The following PCSK5 variants were observed in gnomAD, a reference collection of about 807,000 sequenced individuals.
PCSK5 encodes the protein prohormone convertase 5.
In PCSK5, 129 loss-of-function variants were observed where a neutral mutation model predicts 233.2. The observed-to-expected ratio is 0.55, with a 90% CI of 0.48 to 0.64. The LOEUF is 0.64. PCSK5 is among the 30% of genes least tolerant of loss of function. The probability of loss-of-function intolerance (pLI) is 0.00; values close to 1 mark genes in which losing one functional copy is unlikely to be tolerated. For synonymous variants in PCSK5, 825 were observed against 879.2 expected (o/e 0.94, Z 1.09); for missense variants, 2,076 against 2,430.1 (o/e 0.85, Z 3.06).
intron 20 of PCSK5, among the ~76,000 whole-genome samples, chr9:76,202,156 TCTC>T (rs1450004619): frequency 1.3e-5 from 2 of 152,170 alleles, no homozygotes; most frequent in Non-Finnish European, 2.9e-5. Flanking sequence ...ATCTTGAACA[TCTC>T]CTTCGTCACT....
At chr9:75,956,832 T>C (rs938809169) in intron 2 of PCSK5, among the ~76,000 whole-genome samples, 1 of 152,114 alleles carries the variant, frequency 6.6e-6, no homozygotes, top group Non-Finnish European at 1.5e-5. Context: ...TATTCTCCTA[T>C]AGGAATTCCT....
intron 20 of PCSK5, among the ~76,000 whole-genome samples, chr9:76,215,995 G>C (rs527371488): frequency 4.5e-4 from 69 of 152,174 alleles, no homozygotes; most frequent in African/African-American, 1.7e-3. Flanking sequence ...CTCCAAGGGG[G>C]AGAGTTTGAA....
intron 7 of PCSK5, among the ~76,000 whole-genome samples, chr9:76,092,416 G>C (rs989593788): frequency 4.6e-5 from 7 of 152,106 alleles, no homozygotes; most frequent in African/African-American, 1.4e-4. Context: ...GTTTAGAGAC[G>C]GTCATTCTCT....
intron 1 of PCSK5, among the ~76,000 whole-genome samples, chr9:75,914,847 G>A (rs1013201132): frequency 9.2e-5 from 14 of 152,248 alleles, no homozygotes; most frequent in South Asian, 2.1e-4. Flanking sequence ...TGGCATATAA[G>A]CAAATAATTC....
At chr9:76,279,485 C>T (rs913817611) in intron 24 of PCSK5, among the ~76,000 whole-genome samples, 6 of 151,914 alleles carry the variant, frequency 3.9e-5, no homozygotes, top group Non-Finnish European at 8.8e-5. Context: ...GAGGAATCGC[C>T]ACACTGACTT....
At chr9:76,021,576 A>G (rs73650419) in intron 3 of PCSK5, among the ~76,000 whole-genome samples, 6,053 of 152,122 alleles carry the variant, frequency 0.04, 242 homozygotes, top group African/African-American at 0.11. Context: ...AAAGATACAA[A>G]TGTTCATAAA....
At chr9:76,343,331 ATTTGTGTGTGTG>A (rs1405642691) in intron 35 of PCSK5, among the ~76,000 whole-genome samples, 8 of 85,688 alleles carry the variant, frequency 9.3e-5, no homozygotes, top group South Asian at 4.9e-4. Flanking sequence ...CACCTGGGTA[ATTTGTGTGTGTG>A]TGTGTGTGTG....
intron 3 of PCSK5, among the ~76,000 whole-genome samples, chr9:76,012,609 G>A (rs4410971): frequency 0.026 from 3,902 of 152,236 alleles, 143 homozygotes; most frequent in East Asian, 0.17. Flanking sequence ...TCTAAGCAGC[G>A]CACCTTTATT....
chr9:76,327,885 G>C, intron 32 of PCSK5, 124 bp from the exon 33 acceptor site: 1 of 727,192 alleles, frequency 1.4e-6, no homozygotes, highest in Non-Finnish European at 2.5e-6. Context: ...CATTGGCCCA[G>C]AGCTCTGGAA....
chr9:75,968,296 G>A lies in PCSK5; in HGVS notation c.298-17836G>A, dbSNP rs185059971. 4.8e-3 allele frequency among the ~76,000 whole-genome samples: 733 copies of A among 152,320 alleles called. 4 individuals are homozygous for A. Among genetic ancestry groups the A allele is most frequent in the Non-Finnish European group, 8.1e-3 (548 of 68,030 alleles). On this transcript the variant is annotated intron_variant, in intron 2 of 37. Transcript: ENST00000674117. Reference sequence around the variant, plus strand: ...AGTCTCAGGAACTAGTTCAACCGACGCAAGGTCTTGACTGCCAGTCTAAGT... The same window carrying A: ...AGTCTCAGGAACTAGTTCAACCGACACAAGGTCTTGACTGCCAGTCTAAGT...
chr9:75,986,275 G>C (rs770552358), intron 3 of PCSK5, 30 bp downstream of exon 3: 10 of 1,298,076 alleles, frequency 7.7e-6, no homozygotes, highest in Non-Finnish European at 1.1e-5. Context: ...CTGGCCTAGG[G>C]CCATGTCATC....
Position 76,189,638 on chromosome 9 carries a change from A to G in PCSK5, c.2518A>G (p.Ile840Val). Residue 840 changes from isoleucine (I) to valine (V), a missense_variant, in exon 20 of 38, where the codon ATC (isoleucine) becomes GTC (valine). Physicochemically the swap from Ile to Val is conservative, Grantham distance 29. This residue lies in a region of PCSK5 where 1,510 missense variants were observed against 1,538.1 expected (regional missense o/e 0.98). Transcript: ENST00000674117. ...NGYKSCKKCD[I>V]SCLTCNGPGF... ...TGTACATTTTTCTCATAGATGTGAT[A>G]TCAGTTGTTTGACGTGCAATGGCCC... is the stretch of plus-strand genomic sequence containing the variant. The G allele has an allele frequency of 6.2e-7, 1 of 1,604,248 alleles. No homozygotes were observed. The highest frequency in any genetic ancestry group is 8.5e-7 in the Non-Finnish European group (1 of 1,171,136).
intron 10 of PCSK5, among the ~76,000 whole-genome samples, chr9:76,143,239 G>A (rs1177095193): frequency 6.6e-6 from 1 of 152,088 alleles, no homozygotes; most frequent in Non-Finnish European, 1.5e-5. Flanking sequence ...GAAGGCAACA[G>A]GTCAGGGGAA....
chr9:76,099,277 A>G (rs1188337610), intron 8 of PCSK5, among the ~76,000 whole-genome samples: 1 of 152,172 alleles, frequency 6.6e-6, no homozygotes, highest in Non-Finnish European at 1.5e-5. Context: ...CTCAGTGGAT[A>G]AGCAACCCTC....
chr9:75,912,192 G>A (rs1240203176), intron 1 of PCSK5, among the ~76,000 whole-genome samples: 2 of 152,058 alleles, frequency 1.3e-5, no homozygotes, highest in Admixed American at 1.3e-4. Context: ...CGTGGAGAAG[G>A]TGGCATGAGC....
chr9:76,344,536 C>T (rs1365346142), intron 35 of PCSK5, among the ~76,000 whole-genome samples: 1 of 152,170 alleles, frequency 6.6e-6, no homozygotes. Flanking sequence ...CTTAAAACTT[C>T]TAACTGGAAT....
At chr9:76,295,154 A>G in intron 25 of PCSK5, 121 bp from the exon 26 acceptor site, 1 of 883,508 alleles carries the variant, frequency 1.1e-6, no homozygotes, top group Non-Finnish European at 1.7e-6. Context: ...ACTCCATCTC[A>G]AACAAAACAA....
intron 9 of PCSK5, among the ~76,000 whole-genome samples, chr9:76,110,475 G>A (rs535708473): frequency 2.0e-5 from 3 of 152,326 alleles, no homozygotes; most frequent in South Asian, 4.1e-4. Flanking sequence ...GCATGGGTAG[G>A]ACTGTGGTTC....
intron 24 of PCSK5, among the ~76,000 whole-genome samples, chr9:76,256,064 G>A (rs868583336): frequency 1.3e-5 from 2 of 152,194 alleles, no homozygotes; most frequent in Non-Finnish European, 2.9e-5. Context: ...GTTGTGCAAA[G>A]GTTGGTCTGC....
Sources: gnomAD v4.1 joint callset for allele counts (sites outside exome capture counted in the v4.1 genomes callset) on GRCh38, gnomAD v4.1.1 for gene constraint, gnomAD v4.1.1 regional missense constraint, MANE v1.5 for transcripts, NCBI Gene and HGNC (gene_info 2026-07-23, HGNC 2026-07-21) for gene names.